GPRC5B: variants seen among roughly 807,000 people sequenced by gnomAD.
GPRC5B encodes the protein G protein-coupled receptor family C group 5 member B.
Under a neutral mutation model 30.1 loss-of-function variants are expected in GPRC5B, and 16 were observed. The ratio of observed to expected loss-of-function variants is 0.53; its 90% CI spans 0.36 to 0.81. GPRC5B has a LOEUF of 0.81. Among genes scored for constraint, GPRC5B ranks in the 30% least tolerant of loss-of-function variants. GPRC5B has a pLI of 0.01. For synonymous variants in GPRC5B, 241 were observed against 239.5 expected (o/e 1.01, Z -0.06); for missense variants, 428 against 544.7 (o/e 0.79, Z 2.13).
intron 1 of GPRC5B, among the ~76,000 whole-genome samples, chr16:19,875,035 A>G (rs1359575054): frequency 6.6e-6 from 1 of 152,072 alleles, no homozygotes; most frequent in Non-Finnish European, 1.5e-5. Context: ...GGGCTCCAGT[A>G]CGTCCCTGGG....
chr16:19,865,815 C>T (rs759491898), intron 2 of GPRC5B, among the ~76,000 whole-genome samples: 1 of 152,202 alleles, frequency 6.6e-6, no homozygotes, highest in Non-Finnish European at 1.5e-5. Context: ...CGCTGAAGAA[C>T]GTCACTTAGA....
rs775932697 is a variant in GPRC5B, at chr16:19,857,470, C to A, written c.*3030G>T. 2 of 437,334 alleles carry A rather than the reference C, an allele frequency of 4.6e-6. No homozygotes were observed. The highest frequency in any genetic ancestry group is 2.6e-5 in the Admixed American group (1 of 37,954). The allele number at this position is 437,334 out of a possible 1,614,324, so 27.1% of individuals were successfully genotyped here. A position where few individuals can be genotyped will look rare whatever the true frequency, so the allele number is the denominator to read the frequency against. ...TTTTTATAAGTATGCAACAGTCAGC[C>A]GGGGGAAGATAAAGGTACATTATAA... On this transcript the variant is annotated 3_prime_UTR_variant, in exon 4 of 4. Coordinates refer to ENST00000300571, the MANE Select transcript of GPRC5B (RefSeq NM_016235.3).
At chr16:19,861,087 T>TAAAAAAAAAAAAAAAAAAAAAAAAAA (rs3067833) in intron 3 of GPRC5B, among the ~76,000 whole-genome samples, 27 of 93,382 alleles carry the variant, frequency 2.9e-4, no homozygotes, top group African/African-American at 1.2e-3. Context: ...CTGATTTACA[T>TAAAAAAAAAAAAAAAAAAAAAAAAAA]AAAAAAAAAA....
At position 19,859,799 on chromosome 16, in the gene GPRC5B, C is replaced by T. The variant is rs1387074388; in HGVS notation, c.*701G>A. Reference sequence around the variant, plus strand: ...TGTGTTCTCACCATAGACACTAGAGCAAGAGCCCCATAGAAGGAACAGTGG... The same window carrying T: ...TGTGTTCTCACCATAGACACTAGAGTAAGAGCCCCATAGAAGGAACAGTGG... On this transcript the variant is annotated 3_prime_UTR_variant, in exon 4 of 4. Coordinates refer to ENST00000300571, the MANE Select transcript of GPRC5B (RefSeq NM_016235.3). The T allele has an allele frequency of 4.6e-5, 7 of 152,632 alleles. 1 individual carries two copies. Among genetic ancestry groups the T allele is most frequent in the Admixed American group, 4.6e-4 (7 of 15,284 alleles). The allele number at this position is 152,632 out of a possible 1,614,324, so 9.5% of individuals were successfully genotyped here.
Position 19,872,245 on chromosome 16 carries a change from C to T in GPRC5B, c.601G>A (p.Val201Met). 1 of 1,614,188 alleles carries T rather than the reference C, an allele frequency of 6.2e-7. No homozygotes were observed. Among genetic ancestry groups the T allele is most frequent in the Non-Finnish European group, 8.5e-7 (1 of 1,180,030 alleles). ...PACAYEPMDF[V>M]MALIYDMVLL... Reference sequence around the variant, plus strand: ...ACCATGTCGTAGATGAGGGCCATCACAAAGTCCATGGGCTCGTAGGCGCAG... The same window carrying T: ...ACCATGTCGTAGATGAGGGCCATCATAAAGTCCATGGGCTCGTAGGCGCAG... Residue 201 changes from valine to methionine, a missense_variant, in exon 2 of 4, where the codon GTG becomes ATG. Around this residue, in one of 3 missense-constraint regions of GPRC5B, gnomAD observed 196 missense variants for 272.6 expected, o/e 0.72. Transcript: ENST00000300571. This position sits in a 1 kb window ranked among gnomAD's most constrained non-coding sequence, Gnocchi z 5.0.
intron 3 of GPRC5B, 53 bp downstream of exon 3, chr16:19,861,784 C>T (rs887783254): frequency 6.8e-5 from 105 of 1,545,238 alleles, no homozygotes; most frequent in Non-Finnish European, 9.0e-5. Flanking sequence ...AGCTGCTCCC[C>T]GACACCGTAG....
At chr16:19,869,490 G>A (rs1043624883) in intron 2 of GPRC5B, among the ~76,000 whole-genome samples, 5 of 151,936 alleles carry the variant, frequency 3.3e-5, no homozygotes, top group African/African-American at 1.2e-4. Context: ...TTAATCTCAA[G>A]TGCTGGGACC....
intron 1 of GPRC5B, among the ~76,000 whole-genome samples, chr16:19,883,419 C>A (rs1048491894): frequency 2.0e-5 from 3 of 152,232 alleles, no homozygotes; most frequent in Admixed American, 6.5e-5. Flanking sequence ...ACGACAGATG[C>A]CAATTTGCAT....
intron 3 of GPRC5B, among the ~76,000 whole-genome samples, 199 bp from the exon 4 acceptor site, chr16:19,860,743 A>G (rs2056614580): frequency 6.6e-6 from 1 of 152,112 alleles, no homozygotes; most frequent in Non-Finnish European, 1.5e-5. Context: ...CTTTTCTATA[A>G]CCATCCACCC....
At position 19,871,864 on chromosome 16, in the gene GPRC5B, G is replaced by A. The variant is rs749277885; in HGVS notation, c.982C>T (p.Arg328Trp). Reference protein sequence around the residue: ...TAFEEDVQLPRAYMENKAFSM... With the variant: ...TAFEEDVQLPWAYMENKAFSM... ...AAGGCCTTGTTCTCCATATAGGCCCGCGGCAGCTGCACGTCCTCCTCGAAG... is the reference window on the plus strand; with the variant it reads ...AAGGCCTTGTTCTCCATATAGGCCCACGGCAGCTGCACGTCCTCCTCGAAG... Residue 328 changes from arginine (R) to tryptophan (W), a missense_variant, in exon 2 of 4, where the codon CGG (arginine) becomes TGG (tryptophan). Arg to Trp is a moderately radical substitution (Grantham distance 101). This residue lies in a region of GPRC5B where 213 missense variants were observed against 229.1 expected (regional missense o/e 0.93). Transcript: ENST00000300571. 5.6e-6 allele frequency: 9 copies of A among 1,613,988 alleles called. No homozygotes were observed. The highest frequency in any genetic ancestry group is 1.1e-5 in the South Asian group (1 of 91,076).
chr16:19,869,885 AAC>A (rs1216670518), intron 2 of GPRC5B, among the ~76,000 whole-genome samples: 1 of 152,066 alleles, frequency 6.6e-6, no homozygotes, highest in Non-Finnish European at 1.5e-5. Flanking sequence ...CACCCTAGGC[AAC>A]AGAGTGAGAC....
chr16:19,879,155 C>T (rs1016899509), intron 1 of GPRC5B, among the ~76,000 whole-genome samples: 2 of 152,088 alleles, frequency 1.3e-5, no homozygotes, highest in African/African-American at 4.8e-5. Context: ...GAGAGCTGGG[C>T]AGCTCTCCAG....
chr16:19,875,153 T>G (rs902127145), intron 1 of GPRC5B, among the ~76,000 whole-genome samples: 2 of 152,188 alleles, frequency 1.3e-5, no homozygotes, highest in Non-Finnish European at 2.9e-5. Flanking sequence ...AAATTATTGA[T>G]GTTACTGAAG....
In GPRC5B at chr16:19,858,526, C is replaced by T. The variant is rs75146227; in HGVS notation, c.*1974G>A. 1.7e-5 allele frequency: 12 copies of T among 692,512 alleles called. No homozygotes were observed. Among genetic ancestry groups the T allele is most frequent in the Non-Finnish European group, 2.6e-5 (10 of 380,356 alleles). 42.9% of individuals were successfully genotyped at this position (692,512 alleles called of 1,614,324 possible). A position where few individuals can be genotyped will look rare whatever the true frequency, so the allele number is the denominator to read the frequency against. Reference sequence around the variant, plus strand: ...GAAAGCTCCAAAGGACTCCAGAGAGCGGGGGTGAGTAACCATTTCCTGGCA... The same window carrying T: ...GAAAGCTCCAAAGGACTCCAGAGAGTGGGGGTGAGTAACCATTTCCTGGCA... On this transcript the variant is annotated 3_prime_UTR_variant, in exon 4 of 4. Coordinates refer to ENST00000300571, the MANE Select transcript of GPRC5B (RefSeq NM_016235.3).
At chr16:19,882,469 G>T (rs1690399) in intron 1 of GPRC5B, 67,507 of 151,920 alleles carry the variant, frequency 0.44, 15,484 homozygotes, top group East Asian at 0.6. Flanking sequence ...GGGGGGCTCC[G>T]TTAGAGTGGA....
intron 2 of GPRC5B, among the ~76,000 whole-genome samples, chr16:19,868,902 A>G (rs1180879793): frequency 6.6e-6 from 1 of 152,228 alleles, no homozygotes; most frequent in African/African-American, 2.4e-5. Context: ...AGAGGGAATC[A>G]TGACAATCTG....
At chr16:19,871,281 C>CAAAAAAAAAAAAAAAAAAAAAAAAAAAAA (rs71375667) in intron 2 of GPRC5B, among the ~76,000 whole-genome samples, 2 of 70,378 alleles carry the variant, frequency 2.8e-5, no homozygotes, top group East Asian at 4.2e-4. Context: ...GACCCTGTCT[C>CAAAAAAAAAAAAAAAAAAAAAAAAAAAAA]AAAAAAAAAA....
chr16:19,885,387 G>A (rs1438187949), upstream of GPRC5B: 1 of 1,170,502 alleles, frequency 8.5e-7, no homozygotes, highest in Non-Finnish European at 1.1e-6. The surrounding 1 kb of genome is among the most constrained non-coding windows in gnomAD (Gnocchi z 5.3). Flanking sequence ...ACACCTAGGC[G>A]CACACACACC....
chr16:19,881,761 G>A (rs111670009), intron 1 of GPRC5B, among the ~76,000 whole-genome samples: 2,979 of 152,310 alleles, frequency 0.02, 94 homozygotes, highest in African/African-American at 0.066. Context: ...CAGCCTGGGC[G>A]ACAGAGTTAA....
Sources: allele counts gnomAD v4.1 joint callset (sites outside exome capture counted in the v4.1 genomes callset), GRCh38; gene constraint gnomAD v4.1.1; regional missense constraint gnomAD v4.1.1; non-coding constraint Gnocchi (gnomAD v3.1); transcripts MANE v1.5; gene names NCBI Gene and HGNC (gene_info 2026-07-23, HGNC 2026-07-21).